Variants in MIB1 observed in about 807,000 individuals in gnomAD.
The protein encoded by MIB1 is MIB E3 ubiquitin protein ligase 1, also known as E3 ubiquitin-protein ligase MIB1.
Under a neutral mutation model 124.5 loss-of-function variants are expected in MIB1, and 278 were observed. The ratio of observed to expected loss-of-function variants is 2.23; its 90% confidence interval spans 2.02 to 2.47. The LOEUF (loss-of-function observed/expected upper bound fraction) is 2.47. Ranked by LOEUF, MIB1 falls within the 30% of genes most tolerant of loss-of-function variation. The pLI is 0.00. For synonymous variants in MIB1, 446 were observed against 429.4 expected (o/e 1.04, Z -0.48); for missense variants, 957 against 1,254.4 (o/e 0.76, Z 3.58).
chr18:21,746,240 A>C (rs1454697244), intron 1 of MIB1, among the ~76,000 whole-genome samples: 2 of 152,168 alleles, frequency 1.3e-5, no homozygotes, highest in Admixed American at 6.5e-5. Context: ...GAGTGGTTGG[A>C]TCATTGTGAA....
chr18:21,850,168 G>A (rs2042169037), intron 17 of MIB1, among the ~76,000 whole-genome samples: 1 of 151,994 alleles, frequency 6.6e-6, no homozygotes. Flanking sequence ...TATTATAACT[G>A]TACCAGATTA....
intron 6 of MIB1, among the ~76,000 whole-genome samples, chr18:21,790,610 A>C (rs976297485): frequency 2.0e-5 from 3 of 152,222 alleles, no homozygotes; most frequent in African/African-American, 4.8e-5. Flanking sequence ...TTTATGGAAA[A>C]CAACTAGATT....
At position 21,843,178 on chromosome 18, in the gene MIB1, ACACCTTGCTGTTGAACGACAG is replaced by A; in HGVS notation, c.2013_2033del (p.Leu672_His678del). On this transcript the variant is annotated inframe_deletion, in exon 14 of 21. Coordinates refer to ENST00000261537, the MANE Select transcript of MIB1 (RefSeq NM_020774.4). ...AGAATGTGAACCAACAAACTGCCCTACACCTTGCTGTTGAACGACAGCATACCCAGATTGTTAGGGTAAAGT... is the reference window on the plus strand; with the variant it reads ...AGAATGTGAACCAACAAACTGCCCTACATACCCAGATTGTTAGGGTAAAGT... 6.2e-7 allele frequency: 1 copy of A among 1,603,160 alleles called. No homozygotes were observed. The highest frequency in any genetic ancestry group is 8.5e-7 in the Non-Finnish European group (1 of 1,175,954).
At chr18:21,766,040 G>A (rs2041154572) in intron 2 of MIB1, 97 bp downstream of exon 2, 1 of 1,198,472 alleles carries the variant, frequency 8.3e-7, no homozygotes, top group Non-Finnish European at 1.2e-6. Flanking sequence ...AATAGCTTCT[G>A]ACAGTTGGTT....
Position 21,724,730 on chromosome 18 carries a change from ATATATATATATATATATAT to A in MIB1, n.167+19608_167+19626del, listed in dbSNP as rs2040732814. Among the ~76,000 whole-genome samples, 9 of 41,394 alleles carry A rather than the reference ATATATATATATATATATAT, an allele frequency of 2.2e-4. 1 individual carries two copies. In the East Asian group the frequency reaches 3.1e-3, roughly 14 times the overall value. 27.2% of individuals were successfully genotyped at this position (41,394 alleles called of 152,430 possible). A position where few individuals can be genotyped will look rare whatever the true frequency, so the allele number is the denominator to read the frequency against. ...CCCCATCCAAAAAAAAAAAAAAAAT[ATATATATATATATATATAT>A]ATATATATATATATATATATATATT... On this transcript the variant is annotated intron_variant and non_coding_transcript_variant, in intron 1 of 20. Coordinates refer to the MIB1 transcript ENST00000578646.
At chr18:21,794,612 C>T (rs914231310) in intron 7 of MIB1, among the ~76,000 whole-genome samples, 7 of 152,004 alleles carry the variant, frequency 4.6e-5, no homozygotes, top group Admixed American at 3.3e-4. Context: ...ACATTGCATA[C>T]CTGGGAAAAC....
At chr18:21,757,866 T>C (rs1191989550) in intron 1 of MIB1, among the ~76,000 whole-genome samples, 3 of 152,136 alleles carry the variant, frequency 2.0e-5, no homozygotes, top group Admixed American at 6.5e-5. Context: ...CTAAATCCAG[T>C]AGAGTGCATG....
intron 10 of MIB1, among the ~76,000 whole-genome samples, chr18:21,813,973 A>C (rs966794375): frequency 6.6e-6 from 1 of 152,150 alleles, no homozygotes; most frequent in Non-Finnish European, 1.5e-5. Context: ...ACCCTTTTCC[A>C]TCTGCTTCTG....
chr18:21,724,956 A>G (rs1458705621), intron 1 of MIB1, among the ~76,000 whole-genome samples: 4 of 143,006 alleles, frequency 2.8e-5, no homozygotes, highest in African/African-American at 7.7e-5. Context: ...TTAGCTGGGC[A>G]TGGTTGCGGG....
In MIB1 at chr18:21,856,490, A is replaced by G. The variant is rs147772341; in HGVS notation, c.2666-640A>G. Among the ~76,000 whole-genome samples the G allele has an allele frequency of 1.2e-4, 19 of 152,354 alleles. No individual in the cohort carries two copies. The East Asian group carries it at 3.5e-3, about 28-fold the overall frequency. On this transcript the variant is annotated intron_variant, in intron 18 of 20. Coordinates refer to ENST00000261537, the MANE Select transcript of MIB1 (RefSeq NM_020774.4). ...TGCATCAATTTGATAAGAGAAGGAA[A>G]TAATTGTTCATTGTATTTTAGCGAA...
intron 9 of MIB1, among the ~76,000 whole-genome samples, chr18:21,802,643 T>G (rs1272258729): frequency 1.3e-5 from 2 of 152,202 alleles, no homozygotes; most frequent in African/African-American, 4.8e-5. Context: ...TCTAAGTTAC[T>G]TTTTTCACGT....
chr18:21,851,375 C>T (rs1355216361), intron 17 of MIB1, among the ~76,000 whole-genome samples: 1 of 152,036 alleles, frequency 6.6e-6, no homozygotes, highest in Non-Finnish European at 1.5e-5. Context: ...AATTAATAGG[C>T]TTGCAATTTG....
chr18:21,814,010 C>T (rs1344045677), intron 10 of MIB1, among the ~76,000 whole-genome samples: 1 of 152,156 alleles, frequency 6.6e-6, no homozygotes, highest in Non-Finnish European at 1.5e-5. Context: ...TCTTTTCATA[C>T]TTTTTGGTAT....
chr18:21,835,337 A>G (rs1408257441), intron 12 of MIB1, among the ~76,000 whole-genome samples: 4 of 152,140 alleles, frequency 2.6e-5, no homozygotes, highest in Non-Finnish European at 5.9e-5. Context: ...ATTGGGAAGA[A>G]CAGTTGAGTT....
chr18:21,844,309 T>C, intron 15 of MIB1, 56 bp downstream of exon 15: 1 of 1,537,220 alleles, frequency 6.5e-7, no homozygotes, highest in Non-Finnish European at 8.9e-7. Context: ...TCATGCAAGA[T>C]CTTATATTTA....
chr18:21,756,322 A>T (rs1013409257), intron 1 of MIB1, among the ~76,000 whole-genome samples: 7 of 152,208 alleles, frequency 4.6e-5, no homozygotes, highest in Non-Finnish European at 1.0e-4. Flanking sequence ...TCTGTCAGTC[A>T]TTTTTTTCCC....
At chr18:21,770,353 G>C (rs2041210814) in intron 3 of MIB1, among the ~76,000 whole-genome samples, 1 of 152,156 alleles carries the variant, frequency 6.6e-6, no homozygotes. Flanking sequence ...TCTGTTGTCT[G>C]ACTTTTTTGT....
intron 1 of MIB1, among the ~76,000 whole-genome samples, chr18:21,730,438 T>A (rs956065494): frequency 2.6e-5 from 4 of 152,122 alleles, no homozygotes; most frequent in African/African-American, 9.7e-5. Context: ...TGTGGTGGTG[T>A]GCGCCTGTAG....
chr18:21,789,194 C>T (rs367981816), intron 6 of MIB1, among the ~76,000 whole-genome samples: 29 of 152,132 alleles, frequency 1.9e-4, no homozygotes, highest in African/African-American at 6.0e-4. Context: ...TTTCTCCCAG[C>T]TTCTGGTGGT....
Sources: gnomAD v4.1 joint callset for allele counts (sites outside exome capture counted in the v4.1 genomes callset) on GRCh38, gnomAD v4.1.1 for gene constraint, MANE v1.5 for transcripts, NCBI Gene and HGNC (gene_info 2026-07-23, HGNC 2026-07-21) for gene names.